Variants in CYSLTR2 observed in about 807,000 individuals in gnomAD.
CYSLTR2 encodes the protein G-protein coupled receptor GPCR21.
For synonymous variants in CYSLTR2, 179 were observed against 160.8 expected, an observed-to-expected ratio of 1.11 and a Z score of -0.86; for missense variants, 398 against 411.9, an observed-to-expected ratio of 0.97 and a Z score of 0.29.
intron 1 of CYSLTR2, among the ~76,000 whole-genome samples, chr13:48,669,219 C>G (rs1279762702): frequency 6.6e-6 from 1 of 152,120 alleles, no homozygotes; most frequent in African/African-American, 2.4e-5. Flanking sequence ...AATTTTCACT[C>G]CCACCAACAG....
At position 48,710,467 on chromosome 13, in the gene CYSLTR2, C is replaced by T. The variant is rs2139024796; in HGVS notation, c.*2609C>T. On this transcript the variant is annotated 3_prime_UTR_variant, in exon 5 of 5. Transcript: ENST00000682523. ...CTCTTATTTTACTTACTAATGTCCC[C>T]AAAGCATAAGAGTAGTGATGCTGGC... The T allele has an allele frequency of 6.6e-6, 1 of 152,192 alleles. No individual in the cohort carries two copies. The highest frequency in any genetic ancestry group is 2.4e-5 in the African/African-American group (1 of 41,522). 9.4% of individuals were successfully genotyped at this position (152,192 alleles called of 1,614,324 possible).
rs200438525 is a variant in CYSLTR2, at chr13:48,708,602, G to A, written c.*744G>A. The A allele has an allele frequency of 6.0e-6, 1 of 167,000 alleles. No homozygotes were observed. The highest frequency in any genetic ancestry group is 1.5e-5 in the Non-Finnish European group (1 of 68,096). The allele number at this position is 167,000 out of a possible 1,614,324, so 10.3% of individuals were successfully genotyped here. ...AAGAATTGTGTATAGAATGGAAGGG[G>A]GATCATCAAGGACATGTATCTCAAA... On this transcript the variant is annotated 3_prime_UTR_variant, in exon 5 of 5. Coordinates refer to ENST00000682523, the MANE Select transcript of CYSLTR2 (RefSeq NM_001308476.3).
chr13:48,709,226 A>G lies in CYSLTR2; in HGVS notation c.*1368A>G, dbSNP rs1402785143. On this transcript the variant is annotated 3_prime_UTR_variant, in exon 5 of 5. Coordinates refer to ENST00000682523, the MANE Select transcript of CYSLTR2 (RefSeq NM_001308476.3). Reference sequence around the variant, plus strand: ...TGAATAAAAGCTGTCCTTTCCTACCAATTTCCTCCCCCTCCTCACTCTCAC... The same window carrying G: ...TGAATAAAAGCTGTCCTTTCCTACCGATTTCCTCCCCCTCCTCACTCTCAC... 1.2e-5 allele frequency: 2 copies of G among 167,016 alleles called. No homozygotes were observed. The highest frequency in any genetic ancestry group is 1.3e-4 in the Admixed American group (2 of 15,282). 10.3% of individuals were successfully genotyped at this position (167,016 alleles called of 1,614,324 possible).
chr13:48,696,844 C>G (rs1954200466), intron 4 of CYSLTR2, among the ~76,000 whole-genome samples: 2 of 152,202 alleles, frequency 1.3e-5, no homozygotes, highest in Non-Finnish European at 2.9e-5. Flanking sequence ...AGATTATATC[C>G]CGCACATGGC....
intron 1 of CYSLTR2, among the ~76,000 whole-genome samples, chr13:48,681,153 G>A (rs1306429769): frequency 6.6e-6 from 1 of 151,912 alleles, no homozygotes; most frequent in Admixed American, 6.6e-5. Flanking sequence ...GTAGCCCCCT[G>A]TGGGGCCTAA....
At chr13:48,695,271 C>CT (rs879565086) in intron 3 of CYSLTR2, among the ~76,000 whole-genome samples, 22 of 149,552 alleles carry the variant, frequency 1.5e-4, no homozygotes, top group Admixed American at 5.7e-4. Context: ...TTTTCCTTTT[C>CT]TTTTTTTCCT....
intron 1 of CYSLTR2, among the ~76,000 whole-genome samples, chr13:48,661,716 T>C (rs1953134283): frequency 6.6e-6 from 1 of 152,228 alleles, no homozygotes; most frequent in Non-Finnish European, 1.5e-5. Context: ...TTTATTTTAA[T>C]TTATTTGTCA....
At position 48,710,303 on chromosome 13, in the gene CYSLTR2, C is replaced by G. The variant is rs189606839; in HGVS notation, c.*2445C>G. The G allele has an allele frequency of 2.6e-5, 4 of 152,274 alleles. No homozygotes were observed. The highest frequency in any genetic ancestry group is 2.6e-4 in the Admixed American group (4 of 15,298). 9.4% of individuals were successfully genotyped at this position (152,274 alleles called of 1,614,324 possible). ...CGCACTATCACCCTCCACCCATGTT[C>G]TGGGCAGGGCAAAGTGGGATGGTGT... On this transcript the variant is annotated 3_prime_UTR_variant, in exon 5 of 5. Transcript: ENST00000682523.
rs377485622 is a variant in CYSLTR2 at position 48,663,039 on chromosome 13, G to C, written c.-266+9022G>C. Among the ~76,000 whole-genome samples the C allele has an allele frequency of 2.6e-5, 4 of 151,976 alleles. No individual in the cohort carries two copies. The South Asian group carries it at 8.3e-4, about 32-fold the overall frequency. On this transcript the variant is annotated intron_variant, in intron 1 of 4. Transcript: ENST00000682523. ...TTAAATTTTGTAGAGTGAGAGGTTTGGGCCTAGTTTCATTCTTCTATAGAC... is the reference window on the plus strand; with the variant it reads ...TTAAATTTTGTAGAGTGAGAGGTTTCGGCCTAGTTTCATTCTTCTATAGAC...
chr13:48,675,342 G>A (rs2138869285), intron 1 of CYSLTR2, among the ~76,000 whole-genome samples: 1 of 152,308 alleles, frequency 6.6e-6, no homozygotes, highest in East Asian at 1.9e-4. Context: ...GCCCTGCCCA[G>A]AGATGAGGAA....
At chr13:48,678,427 T>C (rs1165287763) in intron 1 of CYSLTR2, among the ~76,000 whole-genome samples, 2 of 152,190 alleles carry the variant, frequency 1.3e-5, no homozygotes, top group Non-Finnish European at 2.9e-5. Flanking sequence ...CCAGTCTTTC[T>C]CAATCATCAT....
intron 1 of CYSLTR2, among the ~76,000 whole-genome samples, chr13:48,665,806 A>C (rs914422643): frequency 6.6e-6 from 1 of 152,126 alleles, no homozygotes; most frequent in Non-Finnish European, 1.5e-5. Flanking sequence ...ATCCATTTAC[A>C]TTCAAGGTTA....
At chr13:48,687,157 C>G (rs781239585) in intron 1 of CYSLTR2, among the ~76,000 whole-genome samples, 3 of 152,122 alleles carry the variant, frequency 2.0e-5, no homozygotes, top group Non-Finnish European at 4.4e-5. Context: ...CCAGTGGGCC[C>G]CCGGGTTCTC....
At position 48,654,012 on chromosome 13, in the gene CYSLTR2, C is replaced by T. The variant is rs757899225; in HGVS notation, c.-271C>T. On this transcript the variant is annotated 5_prime_UTR_variant, in exon 1 of 5. Transcript: ENST00000682523. ...GCCAGGGCAGCTGAAAGACAGAGAC[C>T]TTCAGGTGGGCATTTTAATCTTTGT... is the stretch of plus-strand genomic sequence containing the variant. 1 of 152,132 alleles carries T rather than the reference C, an allele frequency of 6.6e-6. No individual in the cohort carries two copies. The highest frequency in any genetic ancestry group is 1.5e-5 in the Non-Finnish European group (1 of 68,040). The allele number at this position is 152,132 out of a possible 1,614,324, so 9.4% of individuals were successfully genotyped here.
chr13:48,673,678 G>T (rs1953513987), intron 1 of CYSLTR2, among the ~76,000 whole-genome samples: 1 of 152,022 alleles, frequency 6.6e-6, no homozygotes, highest in African/African-American at 2.4e-5. Flanking sequence ...ATGCCAGCTG[G>T]TTATTTTGCA....
intron 1 of CYSLTR2, among the ~76,000 whole-genome samples, chr13:48,675,481 A>G (rs1214690796): frequency 1.3e-5 from 2 of 151,912 alleles, no homozygotes; most frequent in African/African-American, 4.8e-5. Flanking sequence ...AATGGTGGAC[A>G]CCCCTCCCCC....
intron 1 of CYSLTR2, among the ~76,000 whole-genome samples, chr13:48,657,723 G>A (rs974903444): frequency 6.6e-6 from 1 of 151,140 alleles, no homozygotes; most frequent in Non-Finnish European, 1.5e-5. Flanking sequence ...AAACAGCATC[G>A]TACCTTGTTT....
At chr13:48,672,616 C>CTTTTTTTT (rs71076039) in intron 1 of CYSLTR2, among the ~76,000 whole-genome samples, 3 of 120,128 alleles carry the variant, frequency 2.5e-5, no homozygotes, top group African/African-American at 3.2e-5. Flanking sequence ...CTTTTCTTTT[C>CTTTTTTTT]TTTTTTTTTT....
chr13:48,680,124 T>C (rs1953708884), intron 1 of CYSLTR2, among the ~76,000 whole-genome samples: 1 of 152,204 alleles, frequency 6.6e-6, no homozygotes, highest in Non-Finnish European at 1.5e-5. Context: ...GGGCAGCTCA[T>C]TGTCTAATTG....
Sources: gnomAD v4.1 joint callset for allele counts (sites outside exome capture counted in the v4.1 genomes callset) on GRCh38, gnomAD v4.1.1 for gene constraint, MANE v1.5 for transcripts, NCBI Gene and HGNC (gene_info 2026-07-23, HGNC 2026-07-21) for gene names.